The following SPAG1 variants were observed in gnomAD, a reference collection of about 807,000 sequenced individuals.
SPAG1 encodes sperm associated antigen 1, also known as sperm-associated antigen 1.
A neutral mutation model predicts 100.5 loss-of-function variants in SPAG1; 69 were observed. The observed-to-expected ratio is 0.69, with a 90% CI of 0.57 to 0.84. The LOEUF (loss-of-function observed/expected upper bound fraction) is 0.84. Ranked by LOEUF, SPAG1 falls within the 40% of genes least tolerant of loss-of-function variation. SPAG1 has a pLI of 0.00. For missense variants in SPAG1, 955 were observed against 1,133.1 expected, an observed-to-expected ratio of 0.84 and a Z score of 2.26; for synonymous variants, 336 against 411.6, an observed-to-expected ratio of 0.82 and a Z score of 2.22.
intron 10 of SPAG1, among the ~76,000 whole-genome samples, chr8:100,202,697 G>A (rs1362629727): frequency 1.0e-4 from 11 of 109,918 alleles, no homozygotes; most frequent in Admixed American, 6.4e-4. Flanking sequence ...GCGACAGAGC[G>A]AGACTCCGTC....
In SPAG1 at chr8:100,199,768, GTTAT is replaced by G. The variant is rs1267169752; in HGVS notation, c.1096+5505_1096+5508del. ...AGCCTCTTTGCCCATTTTTAATTGG[GTTAT>G]TTATCTTTTTACTGTTGAGTTGTAA... On this transcript the variant is annotated intron_variant, in intron 10 of 18. Transcript: ENST00000388798. 2.6e-5 allele frequency among the ~76,000 whole-genome samples: 4 copies of G among 151,990 alleles called. No individual in the cohort carries two copies. The South Asian group carries it at 8.3e-4, about 31-fold the overall frequency.
intron 12 of SPAG1, among the ~76,000 whole-genome samples, chr8:100,217,331 A>T (rs1336681933): frequency 1.3e-5 from 2 of 152,226 alleles, no homozygotes; most frequent in African/African-American, 4.8e-5. Flanking sequence ...AGAAAATTTT[A>T]CCTATGAAAA....
intron 7 of SPAG1, 123 bp downstream of exon 7, chr8:100,184,856 T>A (rs1816521839): frequency 4.9e-6 from 3 of 615,616 alleles, no homozygotes; most frequent in Admixed American, 4.0e-5. Context: ...TACTTGTGAT[T>A]TATCATATAT....
intron 4 of SPAG1, among the ~76,000 whole-genome samples, chr8:100,179,852 G>A (rs754413719): frequency 6.6e-6 from 1 of 152,188 alleles, no homozygotes; most frequent in South Asian, 2.1e-4. Flanking sequence ...GTTATGATAT[G>A]ATGCATAGCC....
chr8:100,192,912 T>C (rs1349035931), intron 9 of SPAG1, among the ~76,000 whole-genome samples: 1 of 152,158 alleles, frequency 6.6e-6, no homozygotes, highest in African/African-American at 2.4e-5. Context: ...GCATGAGCCA[T>C]TGTGCCTGGT....
rs746323609 is a variant in SPAG1, at chr8:100,191,468, A to G, written c.911A>G (p.Asp304Gly). Residue 304 changes from aspartate (D) to glycine (G), a missense_variant, in exon 9 of 19, where the codon GAT becomes GGT. Physicochemically the swap from Asp to Gly is moderately conservative, Grantham distance 94. Transcript: ENST00000388798. ...ACAGAAGATTTGAGTAAAGTACTAG[A>G]TGTTGAGCCTGATAATGATTTGGCC... is the stretch of plus-strand genomic sequence containing the variant. ...EATEDLSKVL[D>G]VEPDNDLAKK... 5 of 1,613,354 alleles carry G rather than the reference A, an allele frequency of 3.1e-6. No individual in the cohort carries two copies. Among genetic ancestry groups the G allele is most frequent in the East Asian group, 4.5e-5 (2 of 44,856 alleles).
rs781396014 is a variant in SPAG1 at position 100,231,299 on chromosome 8, T to G, written c.1988+11T>G. 1.2e-5 allele frequency: 17 copies of G among 1,474,754 alleles called. No homozygotes were observed. Among genetic ancestry groups the G allele is most frequent in the Non-Finnish European group, 1.6e-5 (17 of 1,085,892 alleles). 91.4% of individuals were successfully genotyped at this position (1,474,754 alleles called of 1,614,324 possible). A position where few individuals can be genotyped will look rare whatever the true frequency, so the allele number is the denominator to read the frequency against. ...CATATATACAAACAGGCAAGTTCTTTGTAACTTTATATATTTCTTATGTTA... is the reference window on the plus strand; with the variant it reads ...CATATATACAAACAGGCAAGTTCTTGGTAACTTTATATATTTCTTATGTTA... On this transcript the variant is annotated intron_variant, in intron 15 of 18. Coordinates refer to ENST00000388798, the MANE Select transcript of SPAG1 (RefSeq NM_003114.5).
rs1819272861 is a variant in SPAG1, at chr8:100,241,565, G to A, written c.*543G>A. On this transcript the variant is annotated 3_prime_UTR_variant, in exon 19 of 19. Coordinates refer to ENST00000388798, the MANE Select transcript of SPAG1 (RefSeq NM_003114.5). The surrounding 1 kb of genome is among the most constrained non-coding windows in gnomAD (Gnocchi z 5.1). ...TGTTTATTAATTTAGAGCTATAAGA[G>A]GAACTTATTTTTTCTAATACGGAAG... 1 of 152,030 alleles carries A rather than the reference G, an allele frequency of 6.6e-6. No homozygotes were observed. Among genetic ancestry groups the A allele is most frequent in the Admixed American group, 6.5e-5 (1 of 15,274 alleles). The allele number at this position is 152,030 out of a possible 1,614,324, so 9.4% of individuals were successfully genotyped here. A position where few individuals can be genotyped will look rare whatever the true frequency, so the allele number is the denominator to read the frequency against.
intron 4 of SPAG1, among the ~76,000 whole-genome samples, chr8:100,180,152 A>G (rs1816304257): frequency 6.6e-6 from 1 of 151,694 alleles, no homozygotes; most frequent in Non-Finnish European, 1.5e-5. Flanking sequence ...ACATAGCGAG[A>G]CCCCATCTCT....
chr8:100,216,048 A>G (rs908481702), intron 12 of SPAG1, among the ~76,000 whole-genome samples: 30 of 152,174 alleles, frequency 2.0e-4, no homozygotes, highest in Admixed American at 2.6e-4. Flanking sequence ...TGTCAAGTTG[A>G]TATTTTGAAA....
rs1409692151 is a variant in SPAG1 at position 100,239,041 on chromosome 8, CTA to C, written c.2116-196_2116-195del. 6.6e-6 allele frequency among the ~76,000 whole-genome samples: 1 copy of C among 152,120 alleles called. No homozygotes were observed. The highest frequency in any genetic ancestry group is 2.4e-5 in the African/African-American group (1 of 41,412). On this transcript the variant is annotated intron_variant, in intron 16 of 18. Transcript: ENST00000388798. This position sits in a 1 kb window ranked among gnomAD's most constrained non-coding sequence, Gnocchi z 5.0. Reference sequence around the variant, plus strand: ...AACTCCAGATCCTGTGCTTTTTCTTCTATAGTCGATGTTCACTGTATCATGGG... The same window carrying C: ...AACTCCAGATCCTGTGCTTTTTCTTCTAGTCGATGTTCACTGTATCATGGG...
chr8:100,198,164 G>A (rs1037187752), intron 10 of SPAG1, among the ~76,000 whole-genome samples: 4 of 152,072 alleles, frequency 2.6e-5, no homozygotes, highest in African/African-American at 9.7e-5. Flanking sequence ...TGAAAGCTAA[G>A]AAAATTAAAG....
intron 10 of SPAG1, among the ~76,000 whole-genome samples, chr8:100,207,022 A>G (rs975143531): frequency 6.6e-6 from 1 of 152,112 alleles, no homozygotes; most frequent in Non-Finnish European, 1.5e-5. Context: ...GGCCTCTAGG[A>G]TTTTGGAGCA....
intron 3 of SPAG1, among the ~76,000 whole-genome samples, chr8:100,172,664 G>GTGTGTA (rs1469115019): frequency 2.2e-5 from 3 of 139,404 alleles, no homozygotes; most frequent in African/African-American, 7.7e-5. Context: ...GTGTGTGTGT[G>GTGTGTA]TGTATGTGTG....
chr8:100,221,474 T>C (rs1374816097), intron 13 of SPAG1, among the ~76,000 whole-genome samples: 1 of 152,238 alleles, frequency 6.6e-6, no homozygotes, highest in African/African-American at 2.4e-5. Flanking sequence ...TTTCTAGTTA[T>C]GTATGACATT....
Position 100,240,525 on chromosome 8 carries a change from C to T in SPAG1, c.2403C>T (p.Ala801=), listed in dbSNP as rs1423340873. 4 of 1,614,122 alleles carry T rather than the reference C, an allele frequency of 2.5e-6. No individual in the cohort carries two copies. Residue 801 remains alanine (A), a synonymous_variant, in exon 18 of 19, where the codon GCC becomes GCT. Transcript: ENST00000388798. ...AAGACCCTGAGAAACTTCCGATAGC[C>T]AAGCCTAATAATGCCTATGAATTTG... The part of the protein sequence containing the change: ...SPEDPEKLPI[A]KPNNAYEFGQ...
intron 10 of SPAG1, among the ~76,000 whole-genome samples, chr8:100,201,834 G>A (rs556461290): frequency 6.6e-6 from 1 of 152,266 alleles, no homozygotes; most frequent in Non-Finnish European, 1.5e-5. Context: ...GAGGTTCCTG[G>A]AAGGTGCCTG....
chr8:100,225,882 G>A lies in SPAG1; in HGVS notation c.1855+543G>A, dbSNP rs114507316. On this transcript the variant is annotated intron_variant, in intron 14 of 18. Coordinates refer to ENST00000388798, the MANE Select transcript of SPAG1 (RefSeq NM_003114.5). Reference sequence around the variant, plus strand: ...GGGGCTTGCTCTGTCACCCAGGGTGGAGTCCAGTGGCGCAATCACGGTTCA... The same window carrying A: ...GGGGCTTGCTCTGTCACCCAGGGTGAAGTCCAGTGGCGCAATCACGGTTCA... Among the ~76,000 whole-genome samples, 851 of 151,876 alleles carry A rather than the reference G, an allele frequency of 5.6e-3. 11 individuals carry two copies. The highest frequency in any genetic ancestry group is 0.019 in the African/African-American group (801 of 41,422).
At chr8:100,236,118 G>A (rs914793019) in intron 16 of SPAG1, among the ~76,000 whole-genome samples, 4 of 151,986 alleles carry the variant, frequency 2.6e-5, no homozygotes, top group Non-Finnish European at 4.4e-5. Flanking sequence ...AGTTTGTGTG[G>A]GTATCATCAT....
Sources: allele counts gnomAD v4.1 joint callset (sites outside exome capture counted in the v4.1 genomes callset), GRCh38; gene constraint gnomAD v4.1.1; non-coding constraint Gnocchi (gnomAD v3.1); transcripts MANE v1.5; gene names NCBI Gene and HGNC (gene_info 2026-07-23, HGNC 2026-07-21).